PCDHA7: variants seen among roughly 807,000 people sequenced by gnomAD.
PCDHA7 encodes protocadherin alpha 7.
Under a neutral mutation model 57.2 loss-of-function variants are expected in PCDHA7, and 37 were observed. The observed-to-expected ratio is 0.65, with a 90% CI of 0.50 to 0.85. The LOEUF (loss-of-function observed/expected upper bound fraction) is 0.85. Among genes scored for constraint, PCDHA7 ranks in the 40% least tolerant of loss-of-function variants. The pLI, the probability that PCDHA7 is intolerant of heterozygous loss-of-function variation, is 0.00. For missense variants in PCDHA7, 1,188 were observed against 1,241.8 expected (o/e 0.96, Z 0.65); for synonymous variants, 553 against 558.8 (o/e 0.99, Z 0.15).
At chr5:140,863,166 G>T (rs782088342) in intron 1 of PCDHA7, 4 of 672,474 alleles carry the variant, frequency 5.9e-6, no homozygotes, top group African/African-American at 5.4e-5. Flanking sequence ...GCGAGCTGGC[G>T]CTGACTGCCA....
intron 1 of PCDHA7, among the ~76,000 whole-genome samples, chr5:140,946,591 A>C (rs972556402): frequency 5.0e-5 from 6 of 119,488 alleles, no homozygotes; most frequent in African/African-American, 2.1e-4. Context: ...ATAGTGGATG[A>C]ATAGATAAAG....
Position 140,834,402 on chromosome 5 carries a change from T to G in PCDHA7, c.19T>G (p.Tyr7Asp). 1 of 1,606,068 alleles carries G rather than the reference T, an allele frequency of 6.2e-7. No homozygotes were observed. The highest frequency in any genetic ancestry group is 2.2e-5 in the East Asian group (1 of 44,786). MVCPNG[Y>D]DPGGRHLLLF... ...ATTTGAAATGGTGTGCCCGAATGGA[T>G]ACGACCCAGGGGGCCGACATCTACT... The change falls in exon 1 of 4, where the codon TAC becomes GAC. Residue 7 changes from tyrosine (Y) to aspartate (D), a missense_variant. This residue lies in a region of PCDHA7 where 194 missense variants were observed against 185.8 expected (regional missense o/e 1.04). Transcript: ENST00000525929.
At chr5:140,856,849 T>G (rs1327483649) in intron 1 of PCDHA7, 1 of 1,593,444 alleles carries the variant, frequency 6.3e-7, no homozygotes, top group African/African-American at 1.3e-5. Flanking sequence ...ACGCTTCTGA[T>G]TCGGATGAAG....
intron 1 of PCDHA7, among the ~76,000 whole-genome samples, chr5:140,953,733 TG>T (rs1449457533): frequency 2.6e-5 from 4 of 152,200 alleles, no homozygotes; most frequent in Admixed American, 6.5e-5. Context: ...TTGAAATTTT[TG>T]CTTAACATTA....
At chr5:140,983,438 C>T (rs1233600670) in intron 3 of PCDHA7, among the ~76,000 whole-genome samples, 2 of 152,224 alleles carry the variant, frequency 1.3e-5, no homozygotes, top group Non-Finnish European at 2.9e-5. Flanking sequence ...ATTGTGTCTA[C>T]TCTAATCCTC....
intron 1 of PCDHA7, chr5:140,876,387 T>C (rs2056316391): frequency 6.2e-7 from 1 of 1,613,830 alleles, no homozygotes; most frequent in Admixed American, 1.7e-5. Flanking sequence ...TTAGAATTTA[T>C]GGTGAACTGG....
chr5:140,934,709 C>T (rs991669354), intron 1 of PCDHA7, among the ~76,000 whole-genome samples: 2 of 152,084 alleles, frequency 1.3e-5, no homozygotes, highest in Non-Finnish European at 1.5e-5. Flanking sequence ...GGCCATCTTA[C>T]AAAAAGGACC....
chr5:140,994,258 G>A (rs2097608740), intron 3 of PCDHA7, among the ~76,000 whole-genome samples: 1 of 152,122 alleles, frequency 6.6e-6, no homozygotes, highest in Admixed American at 6.5e-5. Flanking sequence ...GGTAAATAAG[G>A]TAAGCTAGGC....
intron 1 of PCDHA7, among the ~76,000 whole-genome samples, chr5:140,887,924 G>C (rs782008714): frequency 6.6e-5 from 10 of 152,026 alleles, no homozygotes; most frequent in Admixed American, 6.6e-4. Context: ...TCATTTCAGA[G>C]ACCATATTTA....
intron 1 of PCDHA7, chr5:140,853,989 C>A: frequency 4.0e-6 from 2 of 494,684 alleles, no homozygotes; most frequent in Non-Finnish European, 5.4e-6. Context: ...TGTAGTGAGA[C>A]TCATCTCTGC....
intron 1 of PCDHA7, chr5:140,967,530 C>T: frequency 6.2e-7 from 1 of 1,613,178 alleles, no homozygotes; most frequent in Non-Finnish European, 8.5e-7. Flanking sequence ...GACAACTCTC[C>T]TGCCTTTGAC....
chr5:140,980,614 G>T (rs2153822225), intron 2 of PCDHA7, among the ~76,000 whole-genome samples: 1 of 152,088 alleles, frequency 6.6e-6, no homozygotes, highest in Admixed American at 6.5e-5. Context: ...TGGCGACAGT[G>T]CGAGACTCTG....
At chr5:140,993,018 C>T (rs2097537347) in intron 3 of PCDHA7, among the ~76,000 whole-genome samples, 1 of 152,174 alleles carries the variant, frequency 6.6e-6, no homozygotes, top group African/African-American at 2.4e-5. Flanking sequence ...AGTCCAGCAT[C>T]CCCTGTGGGC....
intron 1 of PCDHA7, chr5:140,927,232 G>A (rs1554204208): frequency 6.2e-7 from 1 of 1,614,104 alleles, no homozygotes; most frequent in African/African-American, 1.3e-5. Flanking sequence ...TCGGATTCAC[G>A]TCCTGGACAC....
chr5:140,856,174 C>T, intron 1 of PCDHA7: 1 of 1,598,296 alleles, frequency 6.3e-7, no homozygotes, highest in Non-Finnish European at 8.6e-7. Flanking sequence ...GACACGGCAC[C>T]TTCGTGGGCC....
Position 140,858,345 on chromosome 5 carries a change from A to G in PCDHA7, c.2355+21607A>G, listed in dbSNP as rs782668038. 4 of 1,594,626 alleles carry G rather than the reference A, an allele frequency of 2.5e-6. 1 individual carries two copies. The African/African-American group carries it at 5.4e-5, about 21-fold the overall frequency. On this transcript the variant is annotated intron_variant, in intron 1 of 3. Coordinates refer to ENST00000525929, the MANE Select transcript of PCDHA7 (RefSeq NM_018910.3). ...TCTGGGGAGGGCCTGCCCAAGGCGGACCTCATGGCCTTCAGCCCCAGCCTT... is the reference window on the plus strand; with the variant it reads ...TCTGGGGAGGGCCTGCCCAAGGCGGGCCTCATGGCCTTCAGCCCCAGCCTT...
intron 1 of PCDHA7, chr5:140,842,515 G>A (rs2150337754): frequency 5.6e-6 from 9 of 1,613,534 alleles, no homozygotes; most frequent in Non-Finnish European, 1.7e-6. Flanking sequence ...TCAAGCTGGT[G>A]TCCACCTTCA....
At chr5:140,852,972 G>T (rs530736735) in intron 1 of PCDHA7, 1 of 376,636 alleles carries the variant, frequency 2.7e-6, no homozygotes, top group Non-Finnish European at 3.8e-6. Context: ...TCCCCCTCCC[G>T]TGTTCACGCC....
chr5:140,873,030 C>T (rs251373), intron 1 of PCDHA7, among the ~76,000 whole-genome samples: 67,234 of 151,934 alleles, frequency 0.44, 15,336 homozygotes, highest in South Asian at 0.58. Context: ...TCTTACTACA[C>T]GTAGAGTGGT....
Sources: gnomAD v4.1 joint callset for allele counts (sites outside exome capture counted in the v4.1 genomes callset) on GRCh38, gnomAD v4.1.1 for gene constraint, gnomAD v4.1.1 regional missense constraint, MANE v1.5 for transcripts, NCBI Gene and HGNC (gene_info 2026-07-23, HGNC 2026-07-21) for gene names.